The following CPNE4 variants were observed in gnomAD, a reference collection of about 807,000 sequenced individuals.
CPNE4 encodes the protein copine 4.
CPNE4 carries 25 observed loss-of-function variants against 67.9 expected under a neutral mutation model. That is an observed-to-expected ratio of 0.37 (90% CI 0.27 to 0.51). The LOEUF (loss-of-function observed/expected upper bound fraction) is 0.51, where lower values mean the gene tolerates loss of function less well. CPNE4 is among the 20% of genes least tolerant of loss of function. CPNE4 has a pLI of 0.93. For synonymous variants in CPNE4, 242 were observed against 244.9 expected (o/e 0.99, Z 0.11); for missense variants, 464 against 690.8 (o/e 0.67, Z 3.68).
intron 2 of CPNE4, among the ~76,000 whole-genome samples, chr3:131,832,298 A>C (rs1208234477): frequency 6.6e-6 from 1 of 152,240 alleles, no homozygotes; most frequent in Non-Finnish European, 1.5e-5. Flanking sequence ...CTTTCACAGG[A>C]GAACCATAGA....
intron 2 of CPNE4, among the ~76,000 whole-genome samples, chr3:131,738,854 C>CTTTTTTTTTTTTTTTTTTTTTT (rs34053204): frequency 7.1e-6 from 1 of 140,134 alleles, no homozygotes. Context: ...TTTTCTTTTT[C>CTTTTTTTTTTTTTTTTTTTTTT]TTTTTTTTTT....
intron 14 of CPNE4, among the ~76,000 whole-genome samples, chr3:131,545,249 T>C (rs1037713909): frequency 1.1e-4 from 17 of 152,216 alleles, no homozygotes; most frequent in African/African-American, 4.1e-4. Flanking sequence ...CTTTTGATTT[T>C]TTCAACAATT....
At chr3:132,026,182 G>A (rs979317462) in intron 1 of CPNE4, among the ~76,000 whole-genome samples, 17 of 152,188 alleles carry the variant, frequency 1.1e-4, no homozygotes, top group Admixed American at 2.6e-4. Context: ...CTGGATGCAG[G>A]ATATTTGCTA....
chr3:132,015,984 A>G (rs971692434), intron 1 of CPNE4, among the ~76,000 whole-genome samples: 1 of 152,246 alleles, frequency 6.6e-6, no homozygotes, highest in African/African-American at 2.4e-5. Context: ...GCTTATAACC[A>G]TACATTTGCT....
At chr3:131,663,184 C>T (rs1341328158) in intron 7 of CPNE4, among the ~76,000 whole-genome samples, 1 of 152,128 alleles carries the variant, frequency 6.6e-6, no homozygotes, top group Non-Finnish European at 1.5e-5. Context: ...AGCTGGAAGC[C>T]ATCATCCTCA....
At chr3:131,783,464 A>G (rs1240374376) in intron 2 of CPNE4, among the ~76,000 whole-genome samples, 1 of 152,144 alleles carries the variant, frequency 6.6e-6, no homozygotes, top group Non-Finnish European at 1.5e-5. Flanking sequence ...GACTTAGGTT[A>G]AAGTAGAGCT....
At chr3:131,764,494 ATAT>A (rs1487373122) in intron 2 of CPNE4, among the ~76,000 whole-genome samples, 1 of 152,160 alleles carries the variant, frequency 6.6e-6, no homozygotes, top group African/African-American at 2.4e-5. Flanking sequence ...ATGAAAAATA[ATAT>A]TATAACTAAA....
At chr3:131,718,443 C>T (rs1365736960) in intron 3 of CPNE4, among the ~76,000 whole-genome samples, 1 of 152,138 alleles carries the variant, frequency 6.6e-6, no homozygotes, top group Admixed American at 6.5e-5. Flanking sequence ...CTTTTCACAT[C>T]CTCACTTGAC....
intron 6 of CPNE4, among the ~76,000 whole-genome samples, chr3:131,685,179 G>T (rs188705597): frequency 2.0e-4 from 27 of 135,220 alleles, no homozygotes; most frequent in South Asian, 4.6e-4. Context: ...GTAAAATGGG[G>T]GTCATCATCA....
At chr3:131,877,793 G>A (rs146584916) in intron 2 of CPNE4, among the ~76,000 whole-genome samples, 22 of 152,234 alleles carry the variant, frequency 1.4e-4, no homozygotes, top group African/African-American at 5.3e-4. Context: ...ATACAAAATG[G>A]ACATGCAACT....
At chr3:132,005,330 T>TGTAA (rs2073563813) in intron 1 of CPNE4, among the ~76,000 whole-genome samples, 1 of 28,368 alleles carries the variant, frequency 3.5e-5, no homozygotes, top group African/African-American at 6.2e-5. Flanking sequence ...TATATATATA[T>TGTAA]ATATATATAT....
chr3:131,667,941 T>C (rs2080306533), intron 7 of CPNE4, among the ~76,000 whole-genome samples: 1 of 152,218 alleles, frequency 6.6e-6, no homozygotes, highest in East Asian at 1.9e-4. Context: ...AGGGTGCTAC[T>C]CAACGTGTAA....
intron 1 of CPNE4, among the ~76,000 whole-genome samples, chr3:131,954,968 GAAA>G (rs3041609): frequency 2.2e-5 from 3 of 137,498 alleles, no homozygotes; most frequent in Non-Finnish European, 1.6e-5. Flanking sequence ...GTATGCATGT[GAAA>G]AAAAAAAAAA....
rs376590811 is a variant in CPNE4 at position 131,638,271 on chromosome 3, C to T, written c.681+31404G>A. On this transcript the variant is annotated intron_variant, in intron 7 of 15. Coordinates refer to ENST00000429747, the MANE Select transcript of CPNE4 (RefSeq NM_130808.3). ...GCCGGAATGGATAAGAATTCACCAA[C>T]CAAGTTTCTGCTGTCTTCAGGAGAC... Among the ~76,000 whole-genome samples, 13 of 152,234 alleles carry T rather than the reference C, an allele frequency of 8.5e-5. No homozygotes were observed. In the East Asian group the frequency reaches 1.2e-3, roughly 14 times the overall value.
intron 2 of CPNE4, among the ~76,000 whole-genome samples, chr3:131,776,979 A>T (rs1229494203): frequency 2.0e-5 from 3 of 152,146 alleles, no homozygotes; most frequent in Admixed American, 6.6e-5. Context: ...CCTGTGCCCT[A>T]GTAGCTCAGG....
chr3:131,791,962 G>T (rs1232851453), intron 2 of CPNE4, among the ~76,000 whole-genome samples: 4 of 152,124 alleles, frequency 2.6e-5, no homozygotes, highest in Non-Finnish European at 5.9e-5. Flanking sequence ...TTCAGATATA[G>T]GGCTATAATT....
At chr3:131,671,895 C>T (rs2080427508) in intron 6 of CPNE4, among the ~76,000 whole-genome samples, 1 of 152,004 alleles carries the variant, frequency 6.6e-6, no homozygotes, top group Non-Finnish European at 1.5e-5. Context: ...ATTGTTCTGT[C>T]AAATACTAGA....
In CPNE4 at chr3:131,635,586, T is replaced by C. The variant is rs116443903; in HGVS notation, c.681+34089A>G. ...AAGTACTCAATAGCAACACATGTCT[T>C]GTGATAGCCCTATTGGACTGTGCCA... On this transcript the variant is annotated intron_variant, in intron 7 of 15. Coordinates refer to ENST00000429747, the MANE Select transcript of CPNE4 (RefSeq NM_130808.3). 3.0e-3 allele frequency among the ~76,000 whole-genome samples: 463 copies of C among 152,344 alleles called. 4 individuals carry two copies. The highest frequency in any genetic ancestry group is 0.011 in the African/African-American group (448 of 41,570).
At chr3:131,838,634 A>T (rs2085648901) in intron 2 of CPNE4, among the ~76,000 whole-genome samples, 1 of 151,588 alleles carries the variant, frequency 6.6e-6, no homozygotes, top group Non-Finnish European at 1.5e-5. Flanking sequence ...AGAAAATCTG[A>T]CAGAGAGAAA....
Sources: gnomAD v4.1 joint callset for allele counts (sites outside exome capture counted in the v4.1 genomes callset) on GRCh38, gnomAD v4.1.1 for gene constraint, MANE v1.5 for transcripts, NCBI Gene and HGNC (gene_info 2026-07-23, HGNC 2026-07-21) for gene names.